CDH2: variants seen among roughly 807,000 people sequenced by gnomAD.
CDH2 encodes cadherin-2.
CDH2 carries 17 observed loss-of-function variants against 92.0 expected under a neutral mutation model. That is an observed-to-expected ratio of 0.18 (90% CI 0.13 to 0.28). The LOEUF (loss-of-function observed/expected upper bound fraction) is 0.28, where lower values mean the gene tolerates loss of function less well. CDH2 is among the 10% of genes least tolerant of loss of function. The pLI is 1.00. For missense variants in CDH2, 862 were observed against 1,133.1 expected, an observed-to-expected ratio of 0.76 and a Z score of 3.44; for synonymous variants, 419 against 415.9, an observed-to-expected ratio of 1.01 and a Z score of -0.09.
At chr18:27,967,057 C>G (rs928293914) in intron 14 of CDH2, among the ~76,000 whole-genome samples, 1 of 152,116 alleles carries the variant, frequency 6.6e-6, no homozygotes, top group Admixed American at 6.5e-5. Flanking sequence ...GGTGAATCAC[C>G]CCATAATGAT....
chr18:28,159,658 GTT>G (rs775758310), intron 1 of CDH2, among the ~76,000 whole-genome samples: 7 of 134,878 alleles, frequency 5.2e-5, no homozygotes, highest in African/African-American at 8.1e-5. Flanking sequence ...CAATTTTTTT[GTT>G]TTTTTTTTTT....
chr18:28,142,603 C>A (rs58600375), intron 2 of CDH2, among the ~76,000 whole-genome samples: 1,644 of 151,646 alleles, frequency 0.011, 34 homozygotes, highest in African/African-American at 0.037. Flanking sequence ...AAAAAATGTC[C>A]TCCGCCCCTG....
intron 2 of CDH2, among the ~76,000 whole-genome samples, chr18:28,021,017 T>C (rs1265190488): frequency 6.6e-6 from 1 of 151,940 alleles, no homozygotes; most frequent in East Asian, 1.9e-4. Flanking sequence ...AACATGCTAA[T>C]TATCAGATAT....
At chr18:27,980,390 G>C (rs145572454) in intron 14 of CDH2, among the ~76,000 whole-genome samples, 373 of 152,304 alleles carry the variant, frequency 2.4e-3, no homozygotes, top group Non-Finnish European at 4.1e-3. Flanking sequence ...GGAATCTGTT[G>C]TAGGATGGAG....
intron 2 of CDH2, among the ~76,000 whole-genome samples, chr18:28,019,832 T>C (rs1223720478): frequency 6.6e-6 from 1 of 152,138 alleles, no homozygotes; most frequent in African/African-American, 2.4e-5. Flanking sequence ...CTATGGAATG[T>C]GGTGTATTAC....
At chr18:28,081,907 C>T (rs544869366) in intron 2 of CDH2, among the ~76,000 whole-genome samples, 1 of 152,274 alleles carries the variant, frequency 6.6e-6, no homozygotes, top group African/African-American at 2.4e-5. Context: ...AATTATATAA[C>T]ATAAGCCGGC....
chr18:27,997,427 A>C (rs779822049), intron 7 of CDH2, among the ~76,000 whole-genome samples: 24 of 152,210 alleles, frequency 1.6e-4, no homozygotes, highest in Non-Finnish European at 2.6e-4. Flanking sequence ...GAGCCACCAA[A>C]TGCATGAGTG....
chr18:27,955,182 A>G (rs968119307), intron 15 of CDH2, among the ~76,000 whole-genome samples: 2 of 152,106 alleles, frequency 1.3e-5, no homozygotes, highest in Admixed American at 6.6e-5. Flanking sequence ...CCCTGGCCCA[A>G]TCCTTATGAT....
rs1270723918 is a variant in CDH2 at position 27,988,662 on chromosome 18, T to A, written c.1603A>T (p.Thr535Ser). The A allele has an allele frequency of 2.6e-5, 41 of 1,594,986 alleles. No individual in the cohort carries two copies. Among genetic ancestry groups the A allele is most frequent in the Non-Finnish European group, 3.3e-5 (39 of 1,165,310 alleles). The change falls in exon 11 of 16, where the codon ACT becomes TCT. Residue 535 changes from threonine (T) to serine (S), a missense_variant. By Grantham distance (58) the Thr-to-Ser change is moderately conservative (BLOSUM62 1). Coordinates refer to ENST00000269141, the MANE Select transcript of CDH2 (RefSeq NM_001792.5). ...CAATTGGCAGGATCAGATAATTTAG[T>A]GTATCTACAAAATGAAAGTGAAGTT... is the stretch of plus-strand genomic sequence containing the variant. Reference protein sequence around the residue: ...DRYMQQNIRYTKLSDPANWLK... With the variant: ...DRYMQQNIRYSKLSDPANWLK...
At chr18:28,049,906 G>T (rs1007098153) in intron 2 of CDH2, among the ~76,000 whole-genome samples, 3 of 152,196 alleles carry the variant, frequency 2.0e-5, no homozygotes, top group African/African-American at 7.2e-5. Context: ...AGTGTGGTGA[G>T]ATGTCTTGCT....
chr18:27,955,369 TAA>T (rs760993428), intron 15 of CDH2, among the ~76,000 whole-genome samples: 15 of 30,972 alleles, frequency 4.8e-4, no homozygotes, highest in African/African-American at 6.2e-4. Context: ...AGTATAATAG[TAA>T]AAAAAAAAAA....
At chr18:28,168,116 C>T (rs762029632) in intron 1 of CDH2, among the ~76,000 whole-genome samples, 25 of 152,002 alleles carry the variant, frequency 1.6e-4, no homozygotes, top group South Asian at 6.2e-4. Context: ...TTTTTTTAGT[C>T]CTTTATTTCA....
At chr18:28,058,510 C>G (rs531556981) in intron 2 of CDH2, among the ~76,000 whole-genome samples, 5 of 152,164 alleles carry the variant, frequency 3.3e-5, no homozygotes, top group Non-Finnish European at 7.4e-5. Flanking sequence ...GGAAAAGTTT[C>G]CCTAGGAACA....
intron 2 of CDH2, among the ~76,000 whole-genome samples, chr18:28,068,254 G>C (rs1327358144): frequency 6.6e-6 from 1 of 152,294 alleles, no homozygotes; most frequent in Non-Finnish European, 1.5e-5. Flanking sequence ...TTCAGACTTG[G>C]AAAGTGAACA....
rs997081560 is a variant in CDH2, at chr18:28,060,428, C to T, written c.173-46519G>A. ...TCTCGAGCTCCTGAACTCAAATGAT[C>T]TGCCTGGCTCAGCCTCCCAAAGTCC... On this transcript the variant is annotated intron_variant, in intron 2 of 15. Transcript: ENST00000269141. Among the ~76,000 whole-genome samples, 4 of 152,294 alleles carry T rather than the reference C, an allele frequency of 2.6e-5. No individual in the cohort carries two copies. In the East Asian group the frequency reaches 7.7e-4, roughly 29 times the overall value.
In CDH2 at chr18:28,043,302, G is replaced by A. The variant is rs933403675; in HGVS notation, c.173-29393C>T. Among the ~76,000 whole-genome samples, 3 of 151,354 alleles carry A rather than the reference G, an allele frequency of 2.0e-5. No individual in the cohort carries two copies. In the East Asian group the frequency reaches 5.8e-4, roughly 30 times the overall value. ...AATATAATGGACTTTGGGGACTCAC[G>A]GGGAAGGGTGGGAGGCGGGTGAAGG... On this transcript the variant is annotated intron_variant, in intron 2 of 15. Coordinates refer to ENST00000269141, the MANE Select transcript of CDH2 (RefSeq NM_001792.5).
intron 7 of CDH2, among the ~76,000 whole-genome samples, chr18:27,994,894 T>C (rs144754894): frequency 8.3e-4 from 126 of 152,298 alleles, no homozygotes; most frequent in African/African-American, 3.0e-3. Flanking sequence ...TTTCAGTTAT[T>C]TTTTGTCTTC....
At chr18:28,016,388 G>A (rs1285252656) in intron 2 of CDH2, among the ~76,000 whole-genome samples, 2 of 152,064 alleles carry the variant, frequency 1.3e-5, no homozygotes, top group African/African-American at 4.8e-5. Context: ...GGAAACAGAT[G>A]GGAACCTTAG....
At chr18:27,934,230 T>C (rs1908969676) in intron 6 of CDH2, among the ~76,000 whole-genome samples, 1 of 152,210 alleles carries the variant, frequency 6.6e-6, no homozygotes, top group Admixed American at 6.5e-5. Flanking sequence ...TTCTGTCGGC[T>C]TCCATTTTAG....
Sources: gnomAD v4.1 joint callset for allele counts (sites outside exome capture counted in the v4.1 genomes callset) on GRCh38, gnomAD v4.1.1 for gene constraint, MANE v1.5 for transcripts, NCBI Gene and HGNC (gene_info 2026-07-23, HGNC 2026-07-21) for gene names.